The following DOCK4 variants were observed in gnomAD, a reference collection of about 807,000 sequenced individuals.
DOCK4 encodes the protein dedicator of cytokinesis protein 4.
DOCK4 carries 97 observed loss-of-function variants against 268.1 expected under a neutral mutation model. That is an observed-to-expected ratio of 0.36 (90% CI 0.31 to 0.43). The LOEUF (loss-of-function observed/expected upper bound fraction) is 0.43. DOCK4 is among the 20% of genes least tolerant of loss of function. The pLI, the probability that DOCK4 is intolerant of heterozygous loss-of-function variation, is 1.00. For missense variants in DOCK4, 2,145 were observed against 2,455.7 expected (o/e 0.87, Z 2.67); for synonymous variants, 954 against 887.2 (o/e 1.08, Z -1.34).
intron 1 of DOCK4, among the ~76,000 whole-genome samples, chr7:112,098,648 T>C (rs1810376162): frequency 6.7e-6 from 1 of 149,574 alleles, no homozygotes; most frequent in East Asian, 1.9e-4. Flanking sequence ...ATATAGATTA[T>C]GTAAAATTAT....
At chr7:111,825,140 A>T (rs1156402457) in intron 26 of DOCK4, among the ~76,000 whole-genome samples, 2 of 151,078 alleles carry the variant, frequency 1.3e-5, no homozygotes, top group Admixed American at 6.6e-5. Flanking sequence ...AGAGGAGATT[A>T]AAAAAAATCA....
chr7:112,040,466 T>C (rs1326876126), intron 1 of DOCK4, among the ~76,000 whole-genome samples: 1 of 152,228 alleles, frequency 6.6e-6, no homozygotes, highest in Non-Finnish European at 1.5e-5. Context: ...CAAGGCACAG[T>C]GAACCACTAT....
At chr7:111,949,731 A>G (rs548836076) in intron 8 of DOCK4, among the ~76,000 whole-genome samples, 32 of 152,280 alleles carry the variant, frequency 2.1e-4, no homozygotes, top group African/African-American at 7.7e-4. Context: ...ACTCAAATCA[A>G]TTTATCTTCT....
At chr7:111,879,382 A>C (rs1807185716) in intron 16 of DOCK4, among the ~76,000 whole-genome samples, 1 of 152,140 alleles carries the variant, frequency 6.6e-6, no homozygotes, top group Non-Finnish European at 1.5e-5. Flanking sequence ...TGTGTGACCC[A>C]GCACATTCCC....
chr7:111,857,301 A>AT (rs1379369082), intron 23 of DOCK4, among the ~76,000 whole-genome samples: 1 of 152,090 alleles, frequency 6.6e-6, no homozygotes, highest in Admixed American at 6.6e-5. Flanking sequence ...CTTTCCATTA[A>AT]TTTTTTATTG....
chr7:111,949,332 A>G (rs946023987), intron 8 of DOCK4, among the ~76,000 whole-genome samples: 2 of 152,308 alleles, frequency 1.3e-5, no homozygotes, highest in Non-Finnish European at 2.9e-5. Flanking sequence ...ATAAAATCCA[A>G]TTCCATATCT....
rs1800350381 is a variant in DOCK4, at chr7:112,000,684, A to T, written c.122-150T>A. On this transcript the variant is annotated intron_variant, in intron 2 of 52. Coordinates refer to ENST00000428084, the MANE Select transcript of DOCK4 (RefSeq NM_001363540.2). The stretch of plus-strand genomic sequence containing the variant: ...TGGTAGGTATTGGCCTTAGGCTACA[A>T]AATAGCTCGAGTGACCAAACATAAG... The T allele has an allele frequency of 3.6e-5, 17 of 477,290 alleles. No homozygotes were observed. The East Asian group carries it at 5.7e-4, about 16-fold the overall frequency. The allele number at this position is 477,290 out of a possible 1,614,324, so 29.6% of individuals were successfully genotyped here.
chr7:111,869,620 C>T lies in DOCK4; in HGVS notation c.2063G>A (p.Arg688Gln), dbSNP rs371851793. ...CTCTTGCCGCTCTGCTTCTGTGATC[C>T]GGTCCACGTACCATTTGAGCACTTT... Reference protein sequence around the residue: ...LIKVLKWYVDRITEAERQEHI... With the variant: ...LIKVLKWYVDQITEAERQEHI... Residue 688 changes from arginine to glutamine, a missense_variant, in exon 21 of 53, where the codon CGG becomes CAG. This residue lies in a region of DOCK4 where 1,598 missense variants were observed against 1,986.7 expected (regional missense o/e 0.80). Transcript: ENST00000428084. 3.1e-5 allele frequency: 50 copies of T among 1,613,340 alleles called. No homozygotes were observed. Among genetic ancestry groups the T allele is most frequent in the Non-Finnish European group, 3.2e-5 (38 of 1,179,492 alleles).
chr7:112,059,645 G>T (rs1806207402), intron 1 of DOCK4, among the ~76,000 whole-genome samples: 1 of 152,080 alleles, frequency 6.6e-6, no homozygotes, highest in Admixed American at 6.5e-5. Context: ...TTTCCTCAAA[G>T]AACTCTCTCC....
At chr7:112,098,197 T>C (rs1247251284) in intron 1 of DOCK4, among the ~76,000 whole-genome samples, 2 of 152,138 alleles carry the variant, frequency 1.3e-5, no homozygotes, top group African/African-American at 4.8e-5. Context: ...TTCTTTTTTT[T>C]AGACAGAGTC....
chr7:112,090,755 A>C (rs1809548901), intron 1 of DOCK4, among the ~76,000 whole-genome samples: 1 of 152,202 alleles, frequency 6.6e-6, no homozygotes, highest in South Asian at 2.1e-4. Flanking sequence ...ATCACAATAA[A>C]CATGCACTGA....
chr7:111,985,294 G>A (rs1227258690), intron 6 of DOCK4, among the ~76,000 whole-genome samples: 2 of 152,040 alleles, frequency 1.3e-5, no homozygotes, highest in Admixed American at 6.6e-5. Context: ...TATCGATCAA[G>A]GCCGAGATGA....
intron 1 of DOCK4, among the ~76,000 whole-genome samples, chr7:112,117,377 C>A (rs1480445091): frequency 2.0e-5 from 3 of 151,160 alleles, no homozygotes; most frequent in Admixed American, 1.3e-4. Context: ...CTTTCTTTTT[C>A]TTTTTTGAGA....
rs777427577 is a variant in DOCK4 at position 111,915,892 on chromosome 7, G to T, written c.1079C>A (p.Ser360Tyr). The change falls in exon 13 of 53, where the codon TCC (serine) becomes TAC (tyrosine). Residue 360 changes from serine (S) to tyrosine (Y), a missense_variant. Ser to Tyr is a moderately radical substitution (Grantham distance 144, BLOSUM62 -2). Transcript: ENST00000428084. ...AATGTCTCCGTGCAATAGCTGTAAG[G>T]AAACTGCTAAACCTAAAACAGATGA... ...LTGSNAGLAV[S>Y]LQLLHGDIEQ... is the part of the protein sequence containing the mutation. 7 of 1,611,346 alleles carry T rather than the reference G, an allele frequency of 4.3e-6. No homozygotes were observed. The South Asian group carries it at 6.6e-5, about 15-fold the overall frequency.
At chr7:112,113,796 G>C (rs573252241) in intron 1 of DOCK4, among the ~76,000 whole-genome samples, 1 of 97,804 alleles carries the variant, frequency 1.0e-5, no homozygotes, top group African/African-American at 3.8e-5. Flanking sequence ...CAGTCTTGCT[G>C]TGTTGTTAGG....
rs746899129 is a variant in DOCK4 at position 111,741,706 on chromosome 7, G to T, written c.4798-45C>A. ...AATATCTCATTACAGTAATGATTTGGGCAAAATAACTTATGAGACAGGTTA... is the reference window on the plus strand; with the variant it reads ...AATATCTCATTACAGTAATGATTTGTGCAAAATAACTTATGAGACAGGTTA... On this transcript the variant is annotated intron_variant, in intron 45 of 52. Coordinates refer to ENST00000428084, the MANE Select transcript of DOCK4 (RefSeq NM_001363540.2). 15 of 1,596,828 alleles carry T rather than the reference G, an allele frequency of 9.4e-6. No homozygotes were observed. The Admixed American group carries it at 1.4e-4, about 15-fold the overall frequency.
chr7:112,188,937 T>C (rs1486280135), intron 1 of DOCK4, among the ~76,000 whole-genome samples: 2 of 152,208 alleles, frequency 1.3e-5, no homozygotes, highest in African/African-American at 4.8e-5. Context: ...GTAGCCCATG[T>C]CACACCACTG....
At chr7:111,783,320 T>G (rs1018451500) in intron 34 of DOCK4, among the ~76,000 whole-genome samples, 1 of 152,136 alleles carries the variant, frequency 6.6e-6, no homozygotes, top group Non-Finnish European at 1.5e-5. Flanking sequence ...AGGGTTTCAT[T>G]CCTAAAATAA....
intron 1 of DOCK4, among the ~76,000 whole-genome samples, chr7:112,059,270 G>A (rs769477696): frequency 6.7e-6 from 1 of 149,678 alleles, no homozygotes; most frequent in Non-Finnish European, 1.5e-5. Context: ...AGCTTCCCGA[G>A]TAGCTGGGAT....
Sources: gnomAD v4.1 joint callset for allele counts (sites outside exome capture counted in the v4.1 genomes callset) on GRCh38, gnomAD v4.1.1 for gene constraint, gnomAD v4.1.1 regional missense constraint, MANE v1.5 for transcripts, NCBI Gene and HGNC (gene_info 2026-07-23, HGNC 2026-07-21) for gene names.